HPSE2: variants seen among roughly 807,000 people sequenced by gnomAD.
HPSE2 encodes the protein heparanase 2 (inactive), also known as inactive heparanase-2.
In HPSE2, 38 loss-of-function variants were observed where a neutral mutation model predicts 60.5. The observed-to-expected ratio is 0.63, with a 90% CI of 0.48 to 0.82. The LOEUF is 0.82. Among genes scored for constraint, HPSE2 ranks in the 40% least tolerant of loss-of-function variants. HPSE2 has a pLI of 0.00. For missense variants in HPSE2, 713 were observed against 740.4 expected (o/e 0.96, Z 0.43); for synonymous variants, 295 against 293.2 (o/e 1.01, Z -0.06).
At chr10:98,633,790 C>T (rs904131375) in intron 7 of HPSE2, among the ~76,000 whole-genome samples, 8 of 152,034 alleles carry the variant, frequency 5.3e-5, no homozygotes, top group East Asian at 1.9e-4. Context: ...ATTTCCTTGG[C>T]GCGTGTTTCT....
chr10:98,516,163 C>G (rs913958580), intron 9 of HPSE2, among the ~76,000 whole-genome samples: 10 of 152,322 alleles, frequency 6.6e-5, no homozygotes, highest in East Asian at 5.8e-4. Flanking sequence ...TTAAGATGTG[C>G]TCGGCCCTTC....
intron 3 of HPSE2, among the ~76,000 whole-genome samples, chr10:98,790,591 T>C (rs1198585206): frequency 2.0e-5 from 3 of 152,140 alleles, no homozygotes; most frequent in African/African-American, 7.2e-5. Flanking sequence ...CTGACCACAA[T>C]TGATAACAAT....
At chr10:98,987,848 T>C (rs1479334831) in intron 3 of HPSE2, among the ~76,000 whole-genome samples, 2 of 151,736 alleles carry the variant, frequency 1.3e-5, no homozygotes, top group African/African-American at 2.4e-5. Flanking sequence ...TATACACCAA[T>C]AACAGACAAA....
intron 3 of HPSE2, among the ~76,000 whole-genome samples, chr10:98,846,346 T>C (rs1305156801): frequency 6.6e-6 from 1 of 152,212 alleles, no homozygotes; most frequent in Non-Finnish European, 1.5e-5. Flanking sequence ...GGATCCAACA[T>C]ACAATTACTT....
chr10:99,065,820 G>A (rs779973026), intron 3 of HPSE2, among the ~76,000 whole-genome samples: 1 of 152,158 alleles, frequency 6.6e-6, no homozygotes, highest in Admixed American at 6.5e-5. Context: ...CAAAATACAT[G>A]TCTGACCCTG....
intron 3 of HPSE2, among the ~76,000 whole-genome samples, chr10:98,751,184 C>T (rs10786467): frequency 2.0e-5 from 3 of 152,036 alleles, no homozygotes; most frequent in South Asian, 2.1e-4. Flanking sequence ...TTGACAGAGA[C>T]GATTAACATT....
intron 9 of HPSE2, among the ~76,000 whole-genome samples, chr10:98,592,465 A>G (rs2133945503): frequency 6.6e-6 from 1 of 152,318 alleles, no homozygotes; most frequent in South Asian, 2.1e-4. Flanking sequence ...AAATATTTTC[A>G]AGCTAAATCT....
chr10:98,475,842 T>C (rs1308343979), intron 11 of HPSE2, among the ~76,000 whole-genome samples: 1 of 152,200 alleles, frequency 6.6e-6, no homozygotes, highest in African/African-American at 2.4e-5. Flanking sequence ...GAAGAACTTT[T>C]AAAAGGGTCT....
chr10:98,698,720 T>C (rs939230403), intron 5 of HPSE2, among the ~76,000 whole-genome samples: 77 of 151,968 alleles, frequency 5.1e-4, no homozygotes, highest in African/African-American at 1.9e-3. Context: ...TCTGAAAGGA[T>C]CAACAAAACT....
At chr10:98,698,880 A>G (rs1312766652) in intron 5 of HPSE2, among the ~76,000 whole-genome samples, 8 of 152,262 alleles carry the variant, frequency 5.3e-5, no homozygotes, top group Non-Finnish European at 5.9e-5. Flanking sequence ...CAAATAAACT[A>G]GAAAATCTAG....
chr10:99,175,484 C>T (rs1363969207), intron 2 of HPSE2, among the ~76,000 whole-genome samples: 1 of 152,220 alleles, frequency 6.6e-6, no homozygotes, highest in Non-Finnish European at 1.5e-5. Context: ...TTTCCCCTCA[C>T]AGTGTAAACA....
chr10:98,687,700 A>G (rs1947952669), intron 6 of HPSE2, among the ~76,000 whole-genome samples: 1 of 152,174 alleles, frequency 6.6e-6, no homozygotes, highest in South Asian at 2.1e-4. Context: ...ATTGCTATGA[A>G]TAATCTCCTT....
intron 2 of HPSE2, 147 bp downstream of exon 2, chr10:99,232,201 G>A (rs1373505848): frequency 3.7e-6 from 3 of 810,118 alleles, no homozygotes; most frequent in Non-Finnish European, 5.6e-6. Context: ...CTGCCCCAAC[G>A]CGCGCGCGCG....
intron 9 of HPSE2, among the ~76,000 whole-genome samples, chr10:98,574,789 G>A (rs1944597953): frequency 6.6e-6 from 1 of 152,140 alleles, no homozygotes; most frequent in African/African-American, 2.4e-5. Context: ...ACTCTGAACT[G>A]TGAGAGACAC....
upstream of HPSE2, among the ~76,000 whole-genome samples, chr10:99,240,189 CA>C (rs1564916802): frequency 6.6e-6 from 1 of 150,902 alleles, no homozygotes; most frequent in Admixed American, 6.6e-5. Flanking sequence ...AACTCCATCT[CA>C]AAAAAAGAAA....
intron 3 of HPSE2, chr10:99,013,333 T>C (rs1957060688): frequency 6.5e-6 from 4 of 615,188 alleles, no homozygotes; most frequent in Non-Finnish European, 1.2e-5. Flanking sequence ...AGTTCTCTAG[T>C]TACAGAAATC....
intron 3 of HPSE2, among the ~76,000 whole-genome samples, chr10:99,095,659 C>A (rs150529242): frequency 6.6e-6 from 1 of 152,264 alleles, no homozygotes; most frequent in Non-Finnish European, 1.5e-5. Context: ...ATAATGTAAC[C>A]ATTTGTGAGT....
At chr10:99,085,024 T>G (rs886164589) in intron 3 of HPSE2, among the ~76,000 whole-genome samples, 5 of 152,340 alleles carry the variant, frequency 3.3e-5, no homozygotes, top group South Asian at 4.1e-4. Context: ...TCACTTCTAT[T>G]ACCTTTCTCC....
At chr10:99,222,456 T>C (rs1849345986) in intron 2 of HPSE2, among the ~76,000 whole-genome samples, 1 of 152,192 alleles carries the variant, frequency 6.6e-6, no homozygotes, top group South Asian at 2.1e-4. Context: ...TCAATTCCCT[T>C]TTCTCTTCAC....
Sources: allele counts gnomAD v4.1 joint callset (sites outside exome capture counted in the v4.1 genomes callset), GRCh38; gene constraint gnomAD v4.1.1; transcripts MANE v1.5; gene names NCBI Gene and HGNC (gene_info 2026-07-23, HGNC 2026-07-21).